Variants in RARB observed in about 807,000 individuals in gnomAD.
RARB encodes HBV-activated protein.
In RARB, 17 loss-of-function variants were observed where a neutral mutation model predicts 51.9. That is an observed-to-expected ratio of 0.33 (90% confidence interval 0.22 to 0.49). The LOEUF is 0.49. Ranked by LOEUF, RARB falls within the 20% of genes least tolerant of loss-of-function variation. RARB has a pLI of 0.99. For synonymous variants in RARB, 215 were observed against 195.4 expected (o/e 1.10, Z -0.84); for missense variants, 369 against 550.8 (o/e 0.67, Z 3.30).
chr3:24,989,412 AT>A (rs1194420180), intron 2 of RARB, among the ~76,000 whole-genome samples: 1 of 114,084 alleles, frequency 8.8e-6, no homozygotes, highest in Non-Finnish European at 1.8e-5. Context: ...CTGAATTAGA[AT>A]TTTCTCTCTA....
At chr3:24,958,255 G>GTTTTGTTTTGTTT (rs1314564374) in intron 2 of RARB, among the ~76,000 whole-genome samples, 2 of 69,442 alleles carry the variant, frequency 2.9e-5, no homozygotes, top group Non-Finnish European at 6.0e-5. Context: ...AGCTGCTCAG[G>GTTTTGTTTTGTTT]TTTTTTTTTT....
chr3:24,913,146 A>C (rs973234130), intron 2 of RARB, among the ~76,000 whole-genome samples: 6 of 150,942 alleles, frequency 4.0e-5, no homozygotes, highest in Admixed American at 1.3e-4. Context: ...ACGCCCGGCT[A>C]ATTTTGTTTT....
At chr3:25,260,652 C>A (rs1251164879) in intron 5 of RARB, among the ~76,000 whole-genome samples, 1 of 152,134 alleles carries the variant, frequency 6.6e-6, no homozygotes, top group Non-Finnish European at 1.5e-5. Context: ...GGGGTCCCAT[C>A]TCTTTTCCTC....
At chr3:25,412,547 A>G (rs1474108820) in intron 5 of RARB, among the ~76,000 whole-genome samples, 2 of 152,218 alleles carry the variant, frequency 1.3e-5, no homozygotes, top group Admixed American at 1.3e-4. Flanking sequence ...TATGGGAACA[A>G]TTGAGAGTTT....
intron 1 of RARB, among the ~76,000 whole-genome samples, chr3:25,441,739 T>G (rs752707730): frequency 9.5e-4 from 145 of 152,326 alleles, no homozygotes; most frequent in South Asian, 1.5e-3. Context: ...TTACCAGGTT[T>G]CTTTTCTGTG....
chr3:25,138,805 T>G (rs561837560), intron 4 of RARB, among the ~76,000 whole-genome samples: 13 of 152,296 alleles, frequency 8.5e-5, no homozygotes, highest in African/African-American at 3.1e-4. Flanking sequence ...TACCTCATTA[T>G]ATTGTGCTTT....
chr3:25,519,217 C>T lies in RARB; in HGVS notation c.448+17894C>T, dbSNP rs193285650. The stretch of plus-strand genomic sequence containing the variant: ...TCTGGTTAGAAGCTATTATGAATAA[C>T]ATTGCCTTGAATATCCTGTACATGC... On this transcript the variant is annotated intron_variant, in intron 3 of 7. Transcript: ENST00000330688. 7.2e-5 allele frequency among the ~76,000 whole-genome samples: 11 copies of T among 152,296 alleles called. No individual in the cohort carries two copies. In the East Asian group the frequency reaches 2.1e-3, roughly 29 times the overall value.
chr3:25,292,803 A>G (rs1703821559), intron 5 of RARB, among the ~76,000 whole-genome samples: 1 of 152,282 alleles, frequency 6.6e-6, no homozygotes, highest in South Asian at 2.1e-4. Flanking sequence ...CCTTGATTTT[A>G]GCTGCAGGCC....
chr3:25,096,065 A>G (rs1363162433), intron 3 of RARB, among the ~76,000 whole-genome samples: 3 of 152,170 alleles, frequency 2.0e-5, no homozygotes, highest in African/African-American at 7.2e-5. Flanking sequence ...TGCTGCCACA[A>G]TTATTTTTTT....
At chr3:25,007,862 G>C (rs964562961) in intron 2 of RARB, among the ~76,000 whole-genome samples, 1 of 152,014 alleles carries the variant, frequency 6.6e-6, no homozygotes, top group Non-Finnish European at 1.5e-5. Flanking sequence ...CCTGGGGTCA[G>C]ATGATCATAG....
chr3:25,486,509 G>A (rs1338132370), intron 2 of RARB, among the ~76,000 whole-genome samples: 2 of 152,182 alleles, frequency 1.3e-5, no homozygotes, highest in African/African-American at 4.8e-5. Context: ...CCATCCATGT[G>A]AGCAAATACT....
chr3:25,005,447 G>A (rs1231648012), intron 2 of RARB, among the ~76,000 whole-genome samples: 6 of 152,132 alleles, frequency 3.9e-5, no homozygotes, highest in South Asian at 2.1e-4. Flanking sequence ...AAGGTGACTC[G>A]CTTAAAGTGC....
intron 5 of RARB, among the ~76,000 whole-genome samples, chr3:25,292,305 A>G (rs1264850553): frequency 1.3e-5 from 2 of 152,180 alleles, no homozygotes; most frequent in African/African-American, 4.8e-5. Flanking sequence ...AATGTGTCCA[A>G]GAAATGTCCC....
chr3:25,275,237 G>A (rs1320670155), intron 5 of RARB, among the ~76,000 whole-genome samples: 1 of 152,144 alleles, frequency 6.6e-6, no homozygotes, highest in Non-Finnish European at 1.5e-5. Flanking sequence ...CAAGGCAGAA[G>A]GATTGCTTGA....
In RARB at chr3:25,570,670, A is replaced by C. The variant is rs539454019; in HGVS notation, c.609+752A>C. ...GGTCATGAGGTGCTTTAATTTTTCCAAGTGGTTTTTGCATGTATTATGTTC... is the reference window on the plus strand; with the variant it reads ...GGTCATGAGGTGCTTTAATTTTTCCCAGTGGTTTTTGCATGTATTATGTTC... On this transcript the variant is annotated intron_variant, in intron 4 of 7. Coordinates refer to ENST00000330688, the MANE Select transcript of RARB (RefSeq NM_000965.5). 3.2e-4 allele frequency among the ~76,000 whole-genome samples: 49 copies of C among 152,168 alleles called. 1 individual carries two copies. The highest frequency in any genetic ancestry group is 6.3e-4 in the Non-Finnish European group (43 of 68,018).
chr3:25,264,111 A>T (rs76620846), intron 5 of RARB, among the ~76,000 whole-genome samples: 2,278 of 9,946 alleles, frequency 0.23, 57 homozygotes, highest in African/African-American at 0.39. Flanking sequence ...GGCATTGTTG[A>T]TTTTTTTTTT....
At chr3:25,086,013 A>G (rs1649236916) in intron 3 of RARB, among the ~76,000 whole-genome samples, 2 of 152,194 alleles carry the variant, frequency 1.3e-5, no homozygotes, top group Non-Finnish European at 2.9e-5. Flanking sequence ...AGCTCCTTAC[A>G]TCTTACGGCT....
intron 2 of RARB, among the ~76,000 whole-genome samples, chr3:24,927,454 C>T (rs561053998): frequency 2.0e-4 from 31 of 152,174 alleles, no homozygotes; most frequent in Middle Eastern, 3.4e-3. Context: ...AATGCAGTTA[C>T]CAAGATCTTT....
At chr3:25,518,678 A>G (rs897443549) in intron 3 of RARB, among the ~76,000 whole-genome samples, 1 of 152,162 alleles carries the variant, frequency 6.6e-6, no homozygotes, top group Non-Finnish European at 1.5e-5. Context: ...CAAATTCTAT[A>G]CTTTAAAATA....
Sources: gnomAD v4.1 joint callset for allele counts (sites outside exome capture counted in the v4.1 genomes callset) on GRCh38, gnomAD v4.1.1 for gene constraint, MANE v1.5 for transcripts, NCBI Gene and HGNC (gene_info 2026-07-23, HGNC 2026-07-21) for gene names.